DNAH5: variants seen among roughly 807,000 people sequenced by gnomAD.
DNAH5 encodes the protein dynein axonemal heavy chain 5.
In DNAH5, 372 loss-of-function variants were observed where a neutral mutation model predicts 518.2. That is an observed-to-expected ratio of 0.72 (90% CI 0.66 to 0.78). DNAH5 has a LOEUF of 0.78. DNAH5 is among the 30% of genes least tolerant of loss of function. The pLI is 0.00. For synonymous variants in DNAH5, 2,039 were observed against 2,025.9 expected, an observed-to-expected ratio of 1.01 and a Z score of -0.17; for missense variants, 5,523 against 5,687.0, an observed-to-expected ratio of 0.97 and a Z score of 0.93.
chr5:13,977,443 C>T (rs1782341478), intron 1 of DNAH5, among the ~76,000 whole-genome samples: 1 of 152,040 alleles, frequency 6.6e-6, no homozygotes, highest in African/African-American at 2.4e-5. Context: ...AACAGAAATT[C>T]ATTTCTCACC....
At chr5:13,975,913 G>C (rs1000685139) in intron 1 of DNAH5, among the ~76,000 whole-genome samples, 3 of 152,220 alleles carry the variant, frequency 2.0e-5, no homozygotes, top group African/African-American at 7.2e-5. Flanking sequence ...GCTCATGCCT[G>C]TAATCCCAGC....
chr5:13,716,613 C>T lies in DNAH5; in HGVS notation c.12783G>A (p.Lys4261=), dbSNP rs1157680216. Residue 4261 remains lysine, a synonymous_variant, in exon 74 of 79, where the codon AAG becomes AAA. Coordinates refer to ENST00000265104, the MANE Select transcript of DNAH5 (RefSeq NM_001369.3). ...YGGRVTDDYD[K]RLLNTFAKVW... is the part of the protein sequence containing the mutation. ...CCTTAGCAAATGTGTTCAACAATCT[C>T]TTATCATAGTCGTCAGTGACTCTGC... is the stretch of plus-strand genomic sequence containing the variant. 2 of 1,613,892 alleles carry T rather than the reference C, an allele frequency of 1.2e-6. No individual in the cohort carries two copies. Among genetic ancestry groups the T allele is most frequent in the Non-Finnish European group, 1.7e-6 (2 of 1,179,798 alleles).
chr5:13,902,183 T>G, intron 12 of DNAH5, 45 bp from the exon 13 acceptor site: 1 of 1,402,698 alleles, frequency 7.1e-7, no homozygotes, highest in South Asian at 1.2e-5. Context: ...AATTGGGAAT[T>G]TACTGTTTAG....
At chr5:13,713,507 C>G (rs1286899840) in intron 75 of DNAH5, among the ~76,000 whole-genome samples, 1 of 141,912 alleles carries the variant, frequency 7.0e-6, no homozygotes, top group Non-Finnish European at 1.5e-5. Context: ...GAATACTACT[C>G]AGCCATAAAA....
chr5:13,825,422 C>A (rs13185758), intron 38 of DNAH5, among the ~76,000 whole-genome samples: 1 of 152,086 alleles, frequency 6.6e-6, no homozygotes, highest in Non-Finnish European at 1.5e-5. Flanking sequence ...ATGTTCATAG[C>A]AGCACCATTC....
At chr5:13,704,332 C>T (rs971695379) in intron 76 of DNAH5, among the ~76,000 whole-genome samples, 2 of 151,938 alleles carry the variant, frequency 1.3e-5, no homozygotes, top group African/African-American at 4.8e-5. Flanking sequence ...CTCTTGTGCT[C>T]CTGCACACTC....
Position 13,865,827 on chromosome 5 carries a change from T to C in DNAH5, c.4196A>G (p.Tyr1399Cys). Residue 1399 changes from tyrosine (Y) to cysteine (C), a missense_variant, in exon 27 of 79, where the codon TAT becomes TGT. Tyr to Cys is a radical substitution (Grantham distance 194). Transcript: ENST00000265104. ...CTTCTTTATTTCAAGAAGCTGAGGATACTGTGTAGCTGGCAGGCCAAAAAG... is the reference window on the plus strand; with the variant it reads ...CTTCTTTATTTCAAGAAGCTGAGGACACTGTGTAGCTGGCAGGCCAAAAAG... ...EELFGLPATQ[Y>C]PQLLEIKKQL... 1 of 1,613,888 alleles carries C rather than the reference T, an allele frequency of 6.2e-7. No individual in the cohort carries two copies. Among genetic ancestry groups the C allele is most frequent in the Non-Finnish European group, 8.5e-7 (1 of 1,179,794 alleles).
At chr5:14,000,305 G>T (rs1030091754) in intron 1 of DNAH5, among the ~76,000 whole-genome samples, 1 of 152,230 alleles carries the variant, frequency 6.6e-6, no homozygotes, top group Admixed American at 6.5e-5. Flanking sequence ...ACCTGGGGCC[G>T]CCAGGAGCTG....
intron 32 of DNAH5, among the ~76,000 whole-genome samples, chr5:13,843,350 C>T (rs1261221573): frequency 6.6e-6 from 1 of 152,106 alleles, no homozygotes; most frequent in African/African-American, 2.4e-5. Context: ...TTATCATGTT[C>T]AGGATGAAGC....
In DNAH5 at chr5:13,862,769, A is replaced by G. The variant is rs367914135; in HGVS notation, c.4597-22T>C. The stretch of plus-strand genomic sequence containing the variant: ...TGTCCTATCAAAATGGCAAGCTCTC[A>G]TGTTATTGCATGAAAGTCACACGTC... On this transcript the variant is annotated intron_variant, in intron 28 of 78. Coordinates refer to ENST00000265104, the MANE Select transcript of DNAH5 (RefSeq NM_001369.3). The G allele has an allele frequency of 1.7e-4, 271 of 1,597,392 alleles. 1 individual carries two copies. Among genetic ancestry groups the G allele is most frequent in the Middle Eastern group, 1.5e-3 (9 of 5,908 alleles).
intron 17 of DNAH5, among the ~76,000 whole-genome samples, chr5:13,888,942 A>C (rs144737459): frequency 2.0e-5 from 3 of 152,348 alleles, no homozygotes; most frequent in East Asian, 3.9e-4. Context: ...ACAGTATATC[A>C]ACTCAACAGA....
At chr5:13,927,465 T>G (rs1012218556) in intron 3 of DNAH5, among the ~76,000 whole-genome samples, 1 of 152,096 alleles carries the variant, frequency 6.6e-6, no homozygotes. Context: ...GCCAAGATTG[T>G]GCCACTGCAC....
chr5:13,990,121 A>G (rs1462885311), intron 1 of DNAH5, among the ~76,000 whole-genome samples: 2 of 152,178 alleles, frequency 1.3e-5, no homozygotes, highest in Non-Finnish European at 2.9e-5. Context: ...ATAATAAAAC[A>G]TGAGAAAAAG....
At chr5:13,730,103 C>A (rs910073058) in intron 68 of DNAH5, among the ~76,000 whole-genome samples, 1 of 152,104 alleles carries the variant, frequency 6.6e-6, no homozygotes, top group African/African-American at 2.4e-5. Flanking sequence ...TTGAACACAC[C>A]CCAAGGGTTC....
intron 21 of DNAH5, among the ~76,000 whole-genome samples, chr5:13,878,285 A>G (rs550277862): frequency 5.4e-4 from 82 of 152,320 alleles, no homozygotes; most frequent in Non-Finnish European, 9.7e-4. Context: ...GCATATGTGA[A>G]TTTCCCCAGA....
intron 12 of DNAH5, among the ~76,000 whole-genome samples, chr5:13,906,464 T>C (rs1461483596): frequency 6.6e-6 from 1 of 152,182 alleles, no homozygotes; most frequent in African/African-American, 2.4e-5. Flanking sequence ...AGGTGTAAAA[T>C]ATTTGAATAA....
chr5:13,881,281 T>C (rs964813214), intron 21 of DNAH5, among the ~76,000 whole-genome samples: 5 of 151,990 alleles, frequency 3.3e-5, no homozygotes, highest in Non-Finnish European at 4.4e-5. Context: ...AGACTTGAAC[T>C]ACACTTTAGA....
intron 1 of DNAH5, among the ~76,000 whole-genome samples, chr5:13,937,656 T>G (rs1418106398): frequency 7.0e-6 from 1 of 142,686 alleles, no homozygotes; most frequent in Non-Finnish European, 1.5e-5. Context: ...AGGAATGGGT[T>G]CTGCAGCCAA....
intron 68 of DNAH5, among the ~76,000 whole-genome samples, chr5:13,733,933 G>A (rs977885962): frequency 1.3e-5 from 2 of 151,966 alleles, no homozygotes; most frequent in Non-Finnish European, 2.9e-5. Flanking sequence ...ACTTGGTTTA[G>A]AAAGGTATAC....
Sources: gnomAD v4.1 joint callset for allele counts (sites outside exome capture counted in the v4.1 genomes callset) on GRCh38, gnomAD v4.1.1 for gene constraint, MANE v1.5 for transcripts, NCBI Gene and HGNC (gene_info 2026-07-23, HGNC 2026-07-21) for gene names.